The following BOC variants were observed in gnomAD, a reference collection of about 807,000 sequenced individuals.
The protein encoded by BOC is brother of CDO.
In BOC, 76 loss-of-function variants were observed where a neutral mutation model predicts 112.0. The observed-to-expected ratio is 0.68, with a 90% CI of 0.56 to 0.82. The LOEUF (loss-of-function observed/expected upper bound fraction) is 0.82. BOC is among the 40% of genes least tolerant of loss of function. The pLI is 0.00. For missense variants in BOC, 1,309 were observed against 1,511.7 expected, an observed-to-expected ratio of 0.87 and a Z score of 2.22; for synonymous variants, 580 against 599.8, an observed-to-expected ratio of 0.97 and a Z score of 0.48.
chr3:113,261,059 G>A (rs564314273), intron 4 of BOC, among the ~76,000 whole-genome samples: 81 of 152,278 alleles, frequency 5.3e-4, no homozygotes, highest in African/African-American at 1.8e-3. Flanking sequence ...AGGCTGATGG[G>A]AGTATGCAGT....
chr3:113,260,910 C>A (rs947246921), intron 4 of BOC, among the ~76,000 whole-genome samples: 1 of 152,082 alleles, frequency 6.6e-6, no homozygotes, highest in Non-Finnish European at 1.5e-5. Context: ...AACCATCCCC[C>A]CCAGTCTCCC....
At chr3:113,217,304 C>G (rs930442188) in intron 2 of BOC, among the ~76,000 whole-genome samples, 1 of 152,150 alleles carries the variant, frequency 6.6e-6, no homozygotes, top group Non-Finnish European at 1.5e-5. Context: ...CTGCTTGAAC[C>G]CAGGAGTTCC....
intron 2 of BOC, among the ~76,000 whole-genome samples, chr3:113,242,660 T>C (rs1007085554): frequency 2.0e-5 from 3 of 152,186 alleles, no homozygotes; most frequent in South Asian, 2.1e-4. Flanking sequence ...ACCCAGGTTT[T>C]GCTAATCTCC....
intron 4 of BOC, among the ~76,000 whole-genome samples, chr3:113,258,956 C>T (rs1027134015): frequency 9.2e-5 from 14 of 152,222 alleles, no homozygotes; most frequent in African/African-American, 2.7e-4. Flanking sequence ...GTTACATCAA[C>T]GCTTTCTGTT....
At chr3:113,284,892 C>T (rs1949527692) in intron 18 of BOC, 34 bp downstream of exon 18, 1 of 1,588,180 alleles carries the variant, frequency 6.3e-7, no homozygotes, top group Non-Finnish European at 8.6e-7. Context: ...CTCCCAAGCC[C>T]CACAGCCTCA....
intron 4 of BOC, among the ~76,000 whole-genome samples, chr3:113,255,704 T>C (rs1499898): frequency 0.059 from 8,939 of 152,136 alleles, 299 homozygotes; most frequent in Middle Eastern, 0.11. Flanking sequence ...CATATACTCC[T>C]GAATGGTCCT....
chr3:113,265,633 A>G (rs540236560), intron 4 of BOC, among the ~76,000 whole-genome samples: 57 of 152,386 alleles, frequency 3.7e-4, no homozygotes, highest in Admixed American at 1.1e-3. Flanking sequence ...GTTGAGCTCA[A>G]GCAATTCCTT....
chr3:113,250,566 C>A lies in BOC; in HGVS notation c.109C>A (p.Gln37Lys). 1.2e-6 allele frequency: 2 copies of A among 1,611,596 alleles called. No individual in the cohort carries two copies. Among genetic ancestry groups the A allele is most frequent in the Non-Finnish European group, 1.7e-6 (2 of 1,178,628 alleles). ...GCFADLNEVPQVTVQPASTVQ... is the reference protein window; with the variant it reads ...GCFADLNEVPKVTVQPASTVQ... Reference sequence around the variant, plus strand: ...TGTTCTTCCTCCAGACGAGGTCCCTCAGGTCACCGTCCAGCCTGCGTCCAC... The same window carrying A: ...TGTTCTTCCTCCAGACGAGGTCCCTAAGGTCACCGTCCAGCCTGCGTCCAC... The change falls in exon 4 of 20, where the codon CAG becomes AAG. Residue 37 changes from glutamine to lysine, a missense_variant. Physicochemically the swap from Gln to Lys is moderately conservative, Grantham distance 53 (BLOSUM62 1). Coordinates refer to ENST00000682979, the MANE Select transcript of BOC (RefSeq NM_001378074.1).
Position 113,286,726 on chromosome 3 carries a change from A to C in BOC, c.3212A>C (p.Asp1071Ala), listed in dbSNP as rs770846693. ...CCAGTTGAAGAGGTGGACAGTCCTGACTCCTGCCAAGTGAGTGGAGGAGAC... is the reference window on the plus strand; with the variant it reads ...CCAGTTGAAGAGGTGGACAGTCCTGCCTCCTGCCAAGTGAGTGGAGGAGAC... ...LVPVEEVDSP[D>A]SCQVSGGDWC... The change falls in exon 20 of 20, where the codon GAC (aspartate) becomes GCC (alanine). Residue 1071 changes from aspartate to alanine, a missense_variant. Coordinates refer to ENST00000682979, the MANE Select transcript of BOC (RefSeq NM_001378074.1). The C allele has an allele frequency of 6.2e-6, 10 of 1,612,380 alleles. No individual in the cohort carries two copies. Among genetic ancestry groups the C allele is most frequent in the Non-Finnish European group, 8.5e-6 (10 of 1,179,272 alleles).
At chr3:113,230,839 A>T (rs1486102383) in intron 2 of BOC, among the ~76,000 whole-genome samples, 2 of 152,254 alleles carry the variant, frequency 1.3e-5, no homozygotes, top group African/African-American at 4.8e-5. Flanking sequence ...AACTTGCTCA[A>T]CATGACTATT....
intron 6 of BOC, 81 bp downstream of exon 6, chr3:113,271,025 T>G: frequency 1.3e-6 from 2 of 1,588,280 alleles, no homozygotes; most frequent in Non-Finnish European, 1.7e-6. Flanking sequence ...GGTAGATACC[T>G]GGAGGTGCCA....
rs1200582041 is a variant in BOC at position 113,284,400 on chromosome 3, C to A, written c.2722C>A (p.Pro908Thr). 1.1e-5 allele frequency: 18 copies of A among 1,614,236 alleles called. No homozygotes were observed. The highest frequency in any genetic ancestry group is 1.4e-5 in the Non-Finnish European group (17 of 1,180,048). ...ACCCTCCTGCCCGTATACTATGGTGCCATTGGGAGGACTCCCAGGCCACCA... is the reference window on the plus strand; with the variant it reads ...ACCCTCCTGCCCGTATACTATGGTGACATTGGGAGGACTCCCAGGCCACCA... ...LPPSCPYTMVPLGGLPGHQAS... is the reference protein window; with the variant it reads ...LPPSCPYTMVTLGGLPGHQAS... Residue 908 changes from proline to threonine, a missense_variant, in exon 17 of 20, where the codon CCA becomes ACA. By Grantham distance (38) the Pro-to-Thr change is conservative (BLOSUM62 -1). Transcript: ENST00000682979.
chr3:113,272,824 A>G, intron 7 of BOC, 121 bp downstream of exon 7: 1 of 1,249,174 alleles, frequency 8.0e-7, no homozygotes, highest in Non-Finnish European at 1.1e-6. Flanking sequence ...ATGCTGAGTG[A>G]GGAACAGGCA....
chr3:113,261,444 A>G (rs1201563938), intron 4 of BOC, among the ~76,000 whole-genome samples: 1 of 151,972 alleles, frequency 6.6e-6, no homozygotes, highest in Non-Finnish European at 1.5e-5. Context: ...ATCTAGTCCA[A>G]AAGAAACTCC....
chr3:113,217,387 C>T (rs747178991), intron 2 of BOC, among the ~76,000 whole-genome samples: 3 of 152,124 alleles, frequency 2.0e-5, no homozygotes, highest in Non-Finnish European at 4.4e-5. Flanking sequence ...ATTAGCCAGG[C>T]GTGGTGGCAT....
intron 5 of BOC, 151 bp downstream of exon 5, chr3:113,268,596 C>A: frequency 2.8e-6 from 2 of 709,336 alleles, no homozygotes; most frequent in Non-Finnish European, 4.6e-6. Context: ...TGCTAGCCAG[C>A]TGTCCTCCTC....
intron 2 of BOC, among the ~76,000 whole-genome samples, chr3:113,244,075 C>T (rs922671894): frequency 6.6e-6 from 1 of 152,164 alleles, no homozygotes; most frequent in African/African-American, 2.4e-5. Flanking sequence ...AGTAGTGACA[C>T]GTGAAGTTCA....
At position 113,274,774 on chromosome 3, in the gene BOC, G is replaced by C; in HGVS notation, c.1542+92G>C. ...CTGTCTCTTGGCCATCTCCCCTTGA[G>C]CTCCTGAAGCCTGAGCCGGTAATCC... is the stretch of plus-strand genomic sequence containing the variant. On this transcript the variant is annotated intron_variant, in intron 9 of 19. Transcript: ENST00000682979. This position sits in a 1 kb window ranked among gnomAD's most constrained non-coding sequence, Gnocchi z 4.8. The C allele has an allele frequency of 1.5e-6, 2 of 1,338,948 alleles. No individual in the cohort carries two copies. The highest frequency in any genetic ancestry group is 4.9e-5 in the East Asian group (2 of 40,516). 82.9% of individuals were successfully genotyped at this position (1,338,948 alleles called of 1,614,324 possible).
chr3:113,248,843 G>A (rs763796489), intron 2 of BOC, among the ~76,000 whole-genome samples: 3 of 152,176 alleles, frequency 2.0e-5, no homozygotes, highest in Non-Finnish European at 4.4e-5. Context: ...ATGGCTGGAG[G>A]TGCAGTGTGG....
Sources: gnomAD v4.1 joint callset for allele counts (sites outside exome capture counted in the v4.1 genomes callset) on GRCh38, gnomAD v4.1.1 for gene constraint, Gnocchi (gnomAD v3.1) non-coding constraint, MANE v1.5 for transcripts, NCBI Gene and HGNC (gene_info 2026-07-23, HGNC 2026-07-21) for gene names.